The following PEBP4 variants were observed in gnomAD, a reference collection of about 807,000 sequenced individuals.
PEBP4 encodes phosphatidylethanolamine-binding protein 4.
Under a neutral mutation model 23.9 loss-of-function variants are expected in PEBP4, and 22 were observed. The ratio of observed to expected loss-of-function variants is 0.92; its 90% CI spans 0.66 to 1.31. The LOEUF is 1.31. Among genes scored for constraint, PEBP4 ranks in the 40% most tolerant of loss-of-function variants. PEBP4 has a pLI of 0.00. For synonymous variants in PEBP4, 112 were observed against 99.3 expected (o/e 1.13, Z -0.76); for missense variants, 324 against 281.7 (o/e 1.15, Z -1.07).
intron 4 of PEBP4, among the ~76,000 whole-genome samples, chr8:22,737,718 T>G (rs1585244208): frequency 6.6e-6 from 1 of 152,330 alleles, no homozygotes; most frequent in South Asian, 2.1e-4. Context: ...TCATTACCAA[T>G]CAGCTACATG....
chr8:22,789,417 TG>T (rs545418155), intron 4 of PEBP4, among the ~76,000 whole-genome samples: 2 of 152,258 alleles, frequency 1.3e-5, no homozygotes, highest in African/African-American at 4.8e-5. Context: ...GGTGCCAGCC[TG>T]AAACTAGGGT....
intron 3 of PEBP4, among the ~76,000 whole-genome samples, chr8:22,820,805 G>A (rs1011856817): frequency 6.6e-6 from 1 of 152,040 alleles, no homozygotes; most frequent in African/African-American, 2.4e-5. Flanking sequence ...ATTGGGACCA[G>A]AGAACAGAAA....
intron 3 of PEBP4, among the ~76,000 whole-genome samples, chr8:22,901,596 G>A (rs911468372): frequency 3.3e-5 from 5 of 152,136 alleles, no homozygotes; most frequent in Admixed American, 3.3e-4. Flanking sequence ...CTAATTCCCT[G>A]TCATAGGTGA....
chr8:22,932,692 T>C (rs1809476702), upstream of PEBP4, among the ~76,000 whole-genome samples: 1 of 115,834 alleles, frequency 8.6e-6, no homozygotes, highest in Admixed American at 8.5e-5. Flanking sequence ...CAAAAAATTT[T>C]TAAAAGCCTC....
chr8:22,930,526 T>C (rs1809439111), upstream of PEBP4, among the ~76,000 whole-genome samples: 1 of 152,220 alleles, frequency 6.6e-6, no homozygotes, highest in African/African-American at 2.4e-5. Flanking sequence ...AATAAAATTC[T>C]TGTTTAAGTG....
At chr8:22,794,264 T>G (rs752956174) in intron 4 of PEBP4, among the ~76,000 whole-genome samples, 3 of 151,644 alleles carry the variant, frequency 2.0e-5, no homozygotes, top group Non-Finnish European at 4.4e-5. Flanking sequence ...TATTTCTTAC[T>G]TCTTTCAACA....
chr8:22,767,463 C>T (rs113774690), intron 4 of PEBP4, among the ~76,000 whole-genome samples: 4,206 of 152,258 alleles, frequency 0.028, 68 homozygotes, highest in African/African-American at 0.047. Flanking sequence ...ATTTCTCGAG[C>T]GGGAAAGAAG....
intron 3 of PEBP4, among the ~76,000 whole-genome samples, chr8:22,902,829 G>A (rs1056161022): frequency 6.6e-6 from 1 of 152,220 alleles, no homozygotes; most frequent in African/African-American, 2.4e-5. Flanking sequence ...CCCTACTGGA[G>A]GGAGAATGCA....
intron 4 of PEBP4, among the ~76,000 whole-genome samples, chr8:22,743,973 C>T (rs1799061958): frequency 6.6e-6 from 1 of 152,206 alleles, no homozygotes; most frequent in South Asian, 2.1e-4. Flanking sequence ...CTTCTCGGAG[C>T]TTGGTGAGAT....
At chr8:22,921,251 C>T (rs1809193255) in intron 2 of PEBP4, among the ~76,000 whole-genome samples, 1 of 152,244 alleles carries the variant, frequency 6.6e-6, no homozygotes, top group African/African-American at 2.4e-5. Context: ...AGGGTTAAGA[C>T]ATCACTGAGA....
intron 4 of PEBP4, among the ~76,000 whole-genome samples, chr8:22,751,803 T>G (rs1441910663): frequency 2.6e-5 from 4 of 152,248 alleles, no homozygotes; most frequent in African/African-American, 9.6e-5. Flanking sequence ...ATGGGGCCCT[T>G]GGCCTCTGCC....
chr8:22,753,703 G>A (rs952830139), intron 4 of PEBP4, among the ~76,000 whole-genome samples: 4 of 152,200 alleles, frequency 2.6e-5, no homozygotes, highest in Admixed American at 1.3e-4. Flanking sequence ...GGAGGAGAGG[G>A]GAAGGTGGGA....
At chr8:22,790,144 T>C (rs748163616) in intron 4 of PEBP4, among the ~76,000 whole-genome samples, 1 of 152,244 alleles carries the variant, frequency 6.6e-6, no homozygotes, top group African/African-American at 2.4e-5. Context: ...TTCATATGCC[T>C]GTTAACTTCC....
At chr8:22,811,762 C>A (rs1303753521) in intron 4 of PEBP4, among the ~76,000 whole-genome samples, 1 of 152,212 alleles carries the variant, frequency 6.6e-6, no homozygotes, top group African/African-American at 2.4e-5. Flanking sequence ...CCTCAAAAGC[C>A]AGCTGGGGTC....
At chr8:22,816,657 C>G (rs1238065295) in intron 4 of PEBP4, among the ~76,000 whole-genome samples, 1 of 152,226 alleles carries the variant, frequency 6.6e-6, no homozygotes, top group Non-Finnish European at 1.5e-5. Context: ...CGACAGAGGT[C>G]ACTGGGTTGG....
intron 4 of PEBP4, among the ~76,000 whole-genome samples, chr8:22,779,443 G>A (rs1805875500): frequency 1.3e-5 from 2 of 152,262 alleles, no homozygotes; most frequent in East Asian, 1.9e-4. Flanking sequence ...ATGGCGTCAC[G>A]GAGGTCGCCA....
intron 4 of PEBP4, among the ~76,000 whole-genome samples, chr8:22,770,529 C>T (rs1805697178): frequency 6.6e-6 from 1 of 152,224 alleles, no homozygotes; most frequent in African/African-American, 2.4e-5. Flanking sequence ...CTGAGTGAAT[C>T]TCTGGGTGGG....
intron 3 of PEBP4, among the ~76,000 whole-genome samples, chr8:22,880,070 T>C (rs1808213062): frequency 6.6e-6 from 1 of 152,174 alleles, no homozygotes; most frequent in South Asian, 2.1e-4. Flanking sequence ...GGAATAGCTC[T>C]ACCCAAAGTG....
Position 22,847,778 on chromosome 8 carries a change from T to C in PEBP4, c.259-30043A>G, listed in dbSNP as rs181834718. Among the ~76,000 whole-genome samples, 78 of 151,846 alleles carry C rather than the reference T, an allele frequency of 5.1e-4. 1 individual carries two copies. The highest frequency in any genetic ancestry group is 1.7e-3 in the African/African-American group (72 of 41,386). On this transcript the variant is annotated intron_variant, in intron 3 of 6. Coordinates refer to ENST00000256404, the MANE Select transcript of PEBP4 (RefSeq NM_144962.3). ...TGGAGGAAGCTGAGGATGGTCTGAG[T>C]TCTACGTGTCTCCTTGAGCAACCCT... is the stretch of plus-strand genomic sequence containing the variant.
Sources: allele counts gnomAD v4.1 joint callset (sites outside exome capture counted in the v4.1 genomes callset), GRCh38; gene constraint gnomAD v4.1.1; transcripts MANE v1.5; gene names NCBI Gene and HGNC (gene_info 2026-07-23, HGNC 2026-07-21).